TDRD1: variants seen among roughly 807,000 people sequenced by gnomAD.
TDRD1 encodes tudor domain containing 1, also known as tudor domain-containing protein 1.
Under a neutral mutation model 140.6 loss-of-function variants are expected in TDRD1, and 37 were observed. The observed-to-expected ratio is 0.26, with a 90% CI of 0.20 to 0.35. The LOEUF (loss-of-function observed/expected upper bound fraction) is 0.35, where lower values mean the gene tolerates loss of function less well. Ranked by LOEUF, TDRD1 falls within the 10% of genes least tolerant of loss-of-function variation. The probability of loss-of-function intolerance (pLI) is 1.00; values close to 1 mark genes in which losing one functional copy is unlikely to be tolerated. For missense variants in TDRD1, 1,243 were observed against 1,393.0 expected (o/e 0.89, Z 1.71); for synonymous variants, 506 against 475.7 (o/e 1.06, Z -0.83).
At chr10:114,227,888 C>T in intron 23 of TDRD1, 22 bp from the exon 24 acceptor site, 1 of 1,605,958 alleles carries the variant, frequency 6.2e-7, no homozygotes, top group Non-Finnish European at 8.5e-7. Context: ...TATCTAATGG[C>T]TTATTTTTCT....
exon 6 of TDRD1, chr10:114,202,257 A>G (rs1381041348): frequency 5.6e-6 from 9 of 1,603,576 alleles, no homozygotes; most frequent in Non-Finnish European, 7.7e-6. Context: ...ACTTGAAAAT[A>G]AATCATCTAT....
At chr10:114,208,321 T>G (rs892092896) in intron 11 of TDRD1, among the ~76,000 whole-genome samples, 2 of 152,164 alleles carry the variant, frequency 1.3e-5, no homozygotes, top group African/African-American at 4.8e-5. Flanking sequence ...TCAAGTAATG[T>G]TGGTGGGTAT....
At chr10:114,213,441 A>G in exon 15 of TDRD1, 1 of 1,614,114 alleles carries the variant, frequency 6.2e-7, no homozygotes, top group Non-Finnish European at 8.5e-7. Context: ...AGTGGTGGAC[A>G]AGTTGGAAAA....
intron 18 of TDRD1, among the ~76,000 whole-genome samples, chr10:114,220,258 C>T (rs951912686): frequency 1.3e-5 from 2 of 152,212 alleles, no homozygotes; most frequent in African/African-American, 4.8e-5. Context: ...TAATGGTTAA[C>T]TCATACATAA....
intron 1 of TDRD1, chr10:114,179,746 C>G (rs2032874373): frequency 1.3e-5 from 2 of 152,066 alleles, no homozygotes; most frequent in African/African-American, 2.4e-5. Context: ...ATTTACTAGA[C>G]TTTTTTTTCC....
chr10:114,206,406 A>C, intron 11 of TDRD1, 76 bp downstream of exon 11: 1 of 1,133,846 alleles, frequency 8.8e-7, no homozygotes, highest in South Asian at 1.3e-5. Flanking sequence ...CAAAGGCACA[A>C]CTTTAGCACT....
At chr10:114,206,812 A>G (rs2035148469) in intron 11 of TDRD1, among the ~76,000 whole-genome samples, 1 of 152,050 alleles carries the variant, frequency 6.6e-6, no homozygotes, top group Admixed American at 6.6e-5. Flanking sequence ...ACAGGGTTTC[A>G]CCATGTTGGC....
At chr10:114,202,277 G>T in exon 6 of TDRD1, 1 of 1,601,756 alleles carries the variant, frequency 6.2e-7, no homozygotes, top group Admixed American at 1.7e-5. Context: ...TTGAAACAAA[G>T]GATGTGGAGG....
chr10:114,210,679 G>C (rs1342113295), exon 12 of TDRD1: 1 of 1,613,054 alleles, frequency 6.2e-7, no homozygotes, highest in Non-Finnish European at 8.5e-7. Flanking sequence ...TGTAGGTGAT[G>C]AGTTTTGTGG....
intron 3 of TDRD1, among the ~76,000 whole-genome samples, chr10:114,193,862 C>A (rs1325026385): frequency 6.6e-6 from 1 of 152,170 alleles, no homozygotes; most frequent in African/African-American, 2.4e-5. Flanking sequence ...CTTTATCAAG[C>A]TGATGAAGTT....
chr10:114,207,213 TACTC>T (rs2035180505), intron 11 of TDRD1, among the ~76,000 whole-genome samples: 1 of 152,208 alleles, frequency 6.6e-6, no homozygotes, highest in Admixed American at 6.5e-5. Flanking sequence ...CATTGTCTCT[TACTC>T]ATTCATCCAG....
chr10:114,179,663 C>T (rs2032867026), intron 1 of TDRD1: 1 of 152,228 alleles, frequency 6.6e-6, no homozygotes, highest in Admixed American at 6.5e-5. Flanking sequence ...CGTTCACCTT[C>T]TCTCTAAGAG....
intron 1 of TDRD1, among the ~76,000 whole-genome samples, chr10:114,182,816 C>T (rs1380529212): frequency 2.6e-5 from 4 of 151,892 alleles, no homozygotes; most frequent in Non-Finnish European, 5.9e-5. Context: ...TCCCGAGTAG[C>T]TGGGACTACA....
exon 26 of TDRD1, chr10:114,231,615 CCTT>C (rs759091207): frequency 3.1e-6 from 3 of 979,530 alleles, no homozygotes; most frequent in Non-Finnish European, 3.0e-6. Context: ...TCTGTAATGA[CCTT>C]CTATCCCTCC....
intron 18 of TDRD1, among the ~76,000 whole-genome samples, chr10:114,219,034 G>GCAA (rs991302212): frequency 1.3e-5 from 2 of 152,216 alleles, no homozygotes; most frequent in African/African-American, 2.4e-5. Context: ...TTATTTTGTA[G>GCAA]GGTTGTTGGG....
chr10:114,199,285 G>A (rs752494505), exon 4 of TDRD1: 20 of 1,612,412 alleles, frequency 1.2e-5, no homozygotes, highest in East Asian at 4.5e-5. Context: ...CCTCCTCTTC[G>A]GTCCACAACT....
chr10:114,206,459 T>C, intron 11 of TDRD1, 129 bp downstream of exon 11: 1 of 623,088 alleles, frequency 1.6e-6, no homozygotes, highest in East Asian at 2.8e-5. Flanking sequence ...GCAATTTAAA[T>C]ACGCTGTTTT....
At chr10:114,175,602 C>G (rs1383157840), upstream of TDRD1, among the ~76,000 whole-genome samples, 1 of 152,096 alleles carries the variant, frequency 6.6e-6, no homozygotes, top group Non-Finnish European at 1.5e-5. Context: ...CTTGGCTTCT[C>G]TTGGAGGTTA....
intron 4 of TDRD1, 74 bp from the exon 5 acceptor site, chr10:114,201,335 TG>T (rs2034726450): frequency 2.5e-6 from 3 of 1,181,884 alleles, no homozygotes; most frequent in Non-Finnish European, 3.8e-6. Context: ...GCTAATAGAA[TG>T]ATATTTGCTA....
Sources: gnomAD v4.1 joint callset for allele counts (sites outside exome capture counted in the v4.1 genomes callset) on GRCh38, gnomAD v4.1.1 for gene constraint, MANE v1.5 for transcripts, NCBI Gene and HGNC (gene_info 2026-07-23, HGNC 2026-07-21) for gene names.